The following CPNE7 variants were observed in gnomAD, a reference collection of about 807,000 sequenced individuals.
The protein encoded by CPNE7 is copine-7.
A neutral mutation model predicts 66.5 loss-of-function variants in CPNE7; 78 were observed. The observed-to-expected ratio is 1.17, with a 90% CI of 0.98 to 1.42. The LOEUF is 1.42. Among genes scored for constraint, CPNE7 ranks in the 40% most tolerant of loss-of-function variants. The pLI, the probability that CPNE7 is intolerant of heterozygous loss-of-function variation, is 0.00. For synonymous variants in CPNE7, 468 were observed against 336.7 expected (o/e 1.39, Z -4.27); for missense variants, 1,012 against 776.6 (o/e 1.30, Z -3.60).
chr16:89,586,197 T>C (rs2059036404), intron 7 of CPNE7, among the ~76,000 whole-genome samples: 1 of 152,098 alleles, frequency 6.6e-6, no homozygotes, highest in Non-Finnish European at 1.5e-5. Context: ...TGACTTGTTA[T>C]AACCAGAGAA....
In CPNE7 at chr16:89,584,821, C is replaced by T. The variant is rs779772134; in HGVS notation, c.555C>T (p.Asn185=). ...SDPFLELYRV[N]DDQGLQLVYR... ...CCTTCCTGGAGCTCTACAGGGTCAA[C>T]GACGACCAGGGCTTGCAGCTGGTGT... Residue 185 remains asparagine, a synonymous_variant, in exon 5 of 15, where the codon AAC becomes AAT. Coordinates refer to ENST00000319518, the MANE Select transcript of CPNE7 (RefSeq NM_153636.3). This position sits in a 1 kb window ranked among gnomAD's most constrained non-coding sequence, Gnocchi z 6.0. 19 of 1,613,514 alleles carry T rather than the reference C, an allele frequency of 1.2e-5. No homozygotes were observed. The highest frequency in any genetic ancestry group is 6.7e-5 in the African/African-American group (5 of 74,934).
chr16:89,595,562 C>G lies in CPNE7; in HGVS notation c.1498C>G (p.Arg500Gly). 6.2e-7 allele frequency: 1 copy of G among 1,611,760 alleles called. No homozygotes were observed. Among genetic ancestry groups the G allele is most frequent in the Non-Finnish European group, 8.5e-7 (1 of 1,179,226 alleles). ...CTCCCCACGGGGTGAGCCCGCGCTCCGGGACATCGTACAGTTCGTGCCCTT... is the reference window on the plus strand; with the variant it reads ...CTCCCCACGGGGTGAGCCCGCGCTCGGGGACATCGTACAGTTCGTGCCCTT... ...LRSPRGEPAL[R>G]DIVQFVPFRE... The change falls in exon 14 of 15, where the codon CGG (arginine) becomes GGG (glycine). Residue 500 changes from arginine (R) to glycine (G), a missense_variant. Physicochemically the swap from Arg to Gly is moderately radical, Grantham distance 125. Transcript: ENST00000319518.
chr16:89,581,253 C>T (rs566516621), intron 2 of CPNE7, among the ~76,000 whole-genome samples: 54 of 150,246 alleles, frequency 3.6e-4, no homozygotes, highest in African/African-American at 1.0e-3. Context: ...ACGGAACATC[C>T]GATCACCCGT....
intron 2 of CPNE7, chr16:89,578,851 C>A (rs1169570006): frequency 1.2e-6 from 2 of 1,610,052 alleles, no homozygotes; most frequent in South Asian, 2.2e-5. Context: ...GTTACGGCCT[C>A]CACAGCCAGC....
intron 13 of CPNE7, among the ~76,000 whole-genome samples, chr16:89,592,594 CA>C (rs2151458941): frequency 6.6e-6 from 1 of 151,096 alleles, no homozygotes; most frequent in East Asian, 2.0e-4. Flanking sequence ...AGGCTCCCGC[CA>C]CCACGCCCGG....
chr16:89,595,299 C>T (rs62068682), intron 13 of CPNE7, 68 bp from the exon 14 acceptor site: 38 of 1,355,356 alleles, frequency 2.8e-5, no homozygotes, highest in Middle Eastern at 2.2e-4. Flanking sequence ...TCTGGGGGCC[C>T]GTGGGTTGCA....
At chr16:89,583,315 T>C in intron 2 of CPNE7, 1 of 877,656 alleles carries the variant, frequency 1.1e-6, no homozygotes, top group Non-Finnish European at 1.8e-6. Context: ...CACCTGGGCC[T>C]GGAGAGGGTC....
At position 89,595,476 on chromosome 16, in the gene CPNE7, G is replaced by C. The variant is rs777346318; in HGVS notation, c.1412G>C (p.Gly471Ala). 3 of 1,612,440 alleles carry C rather than the reference G, an allele frequency of 1.9e-6. No individual in the cohort carries two copies. In the Admixed American group the frequency reaches 5.0e-5, roughly 27 times the overall value. The change falls in exon 14 of 15, where the codon GGC becomes GCC. Residue 471 changes from glycine (G) to alanine (A), a missense_variant. Gly to Ala is a moderately conservative substitution (Grantham distance 60, BLOSUM62 0). Coordinates refer to ENST00000319518, the MANE Select transcript of CPNE7 (RefSeq NM_153636.3). The part of the protein sequence containing the change: ...SRLPMSIIIV[G>A]VGNADFTDMQ... ...CTGCCCATGTCCATCATCATCGTGG[G>C]CGTGGGCAACGCCGACTTCACCGAC...
chr16:89,586,798 G>T, intron 8 of CPNE7, 42 bp downstream of exon 8: 1 of 1,528,280 alleles, frequency 6.5e-7, no homozygotes. Flanking sequence ...CCCACAAGAG[G>T]GGCTTCCGCT....
intron 2 of CPNE7, among the ~76,000 whole-genome samples, chr16:89,580,586 C>T (rs1461209868): frequency 7.0e-6 from 1 of 142,570 alleles, no homozygotes; most frequent in Non-Finnish European, 1.5e-5. Context: ...TCTCACCCAT[C>T]ACACGGAACA....
rs767140643 is a variant in CPNE7 at position 89,588,674 on chromosome 16, G to T, written c.928-1G>T. On this transcript the variant is annotated splice_acceptor_variant, in intron 9 of 14. Transcript: ENST00000319518. LOFTEE classifies it high-confidence loss of function. The stretch of plus-strand genomic sequence containing the variant: ...AGCTCCTGGCTCCCGGCCCACTGCA[G>T]GTGGCCATTGACTTCACCGCCTCCA... 1 of 1,613,136 alleles carries T rather than the reference G, an allele frequency of 6.2e-7. No individual in the cohort carries two copies. The highest frequency in any genetic ancestry group is 8.5e-7 in the Non-Finnish European group (1 of 1,179,928).
In CPNE7 at chr16:89,584,850, G is replaced by C; in HGVS notation, c.584G>C (p.Arg195Thr). 1.2e-6 allele frequency: 2 copies of C among 1,613,342 alleles called. No homozygotes were observed. The highest frequency in any genetic ancestry group is 1.1e-5 in the South Asian group (1 of 91,076). ...GACCAGGGCTTGCAGCTGGTGTACA[G>C]GACGGAGGTGAGCGGCCGGGGATGG... ...NDDQGLQLVY[R>T]TEVVKNNLNP... Residue 195 changes from arginine (R) to threonine (T), a missense_variant, in exon 5 of 15, where the codon AGG (arginine) becomes ACG (threonine). By Grantham distance (71) the Arg-to-Thr change is moderately conservative (BLOSUM62 -1). Coordinates refer to ENST00000319518, the MANE Select transcript of CPNE7 (RefSeq NM_153636.3). This position sits in a 1 kb window ranked among gnomAD's most constrained non-coding sequence, Gnocchi z 6.0.
At chr16:89,595,652 TC>T in intron 14 of CPNE7, 49 bp downstream of exon 14, 1 of 1,504,372 alleles carries the variant, frequency 6.6e-7, no homozygotes. Context: ...GGGTCCCTGT[TC>T]ATGTCACTGC....
rs1567961845 is a variant in CPNE7, at chr16:89,588,206, G to GTGTCACCCACAGATACACGGCCCC, written c.928-469_928-468insTGTCACCCACAGATACACGGCCCC. ...CAGATACACGGCCCCCGTGTCACCC[G>GTGTCACCCACAGATACACGGCCCC]CGTGTCACCCACAGATACACGGCCC... On this transcript the variant is annotated intron_variant, in intron 9 of 14. Coordinates refer to ENST00000319518, the MANE Select transcript of CPNE7 (RefSeq NM_153636.3). 1.4e-4 allele frequency among the ~76,000 whole-genome samples: 3 copies of GTGTCACCCACAGATACACGGCCCC among 21,146 alleles called. 1 individual carries two copies. Among genetic ancestry groups the GTGTCACCCACAGATACACGGCCCC allele is most frequent in the Admixed American group, 5.5e-4 (1 of 1,808 alleles). 13.9% of individuals were successfully genotyped at this position (21,146 alleles called of 152,430 possible).
intron 7 of CPNE7, 126 bp from the exon 8 acceptor site, chr16:89,586,544 G>GCCCTCCCCTC (rs563131504): frequency 3.6e-5 from 26 of 713,934 alleles, no homozygotes; most frequent in East Asian, 3.4e-4. Flanking sequence ...CTGCAGCAGT[G>GCCCTCCCCTC]CCCTCCCCTC....
chr16:89,578,202 T>G (rs914979659), intron 2 of CPNE7, among the ~76,000 whole-genome samples: 6 of 151,658 alleles, frequency 4.0e-5, no homozygotes, highest in Non-Finnish European at 8.8e-5. Context: ...GTAGCTGGGA[T>G]TACAGGCACC....
intron 1 of CPNE7, 133 bp from the exon 2 acceptor site, chr16:89,577,406 A>C: frequency 1.2e-6 from 1 of 866,336 alleles, no homozygotes; most frequent in East Asian, 2.7e-5. Flanking sequence ...GACAGAGAGC[A>C]GGCAGGAGGT....
chr16:89,586,809 G>C, intron 8 of CPNE7, 53 bp downstream of exon 8: 1 of 1,476,526 alleles, frequency 6.8e-7, no homozygotes, highest in Non-Finnish European at 9.5e-7. Context: ...GGCTTCCGCT[G>C]CCTCCCTCTG....
chr16:89,592,372 A>T (rs1223553401), intron 13 of CPNE7, among the ~76,000 whole-genome samples: 1 of 151,418 alleles, frequency 6.6e-6, no homozygotes, highest in African/African-American at 2.4e-5. Flanking sequence ...GCAACCCGTG[A>T]GGCCAACAGC....
Sources: gnomAD v4.1 joint callset for allele counts (sites outside exome capture counted in the v4.1 genomes callset) on GRCh38, gnomAD v4.1.1 for gene constraint, Gnocchi (gnomAD v3.1) non-coding constraint, MANE v1.5 for transcripts, NCBI Gene and HGNC (gene_info 2026-07-23, HGNC 2026-07-21) for gene names.